The following LHFPL2 variants were observed in gnomAD, a reference collection of about 807,000 sequenced individuals.
LHFPL2 encodes LHFPL tetraspan subfamily member 2.
In LHFPL2, 7 loss-of-function variants were observed where a neutral mutation model predicts 17.5. The ratio of observed to expected loss-of-function variants is 0.40; its 90% CI spans 0.23 to 0.75. LHFPL2 has a LOEUF of 0.75. Ranked by LOEUF, LHFPL2 falls within the 30% of genes least tolerant of loss-of-function variation. The pLI is 0.37. For synonymous variants in LHFPL2, 134 were observed against 116.2 expected (o/e 1.15, Z -0.99); for missense variants, 241 against 294.8 (o/e 0.82, Z 1.34).
rs1754251982 is a variant in LHFPL2 at position 78,486,626 on chromosome 5, G to A, written c.*2271C>T. The A allele has an allele frequency of 6.6e-6, 1 of 152,370 alleles. No individual in the cohort carries two copies. The highest frequency in any genetic ancestry group is 2.1e-4 in the South Asian group (1 of 4,822). The allele number at this position is 152,370 out of a possible 1,614,324, so 9.4% of individuals were successfully genotyped here. On this transcript the variant is annotated 3_prime_UTR_variant, in exon 5 of 5. Coordinates refer to ENST00000380345, the MANE Select transcript of LHFPL2 (RefSeq NM_005779.3). ...GTAGTTTTTAGTGGTTTGGGGTTCTGTGTGTGTGCATGCCTGTGCTTTTGT... is the reference window on the plus strand; with the variant it reads ...GTAGTTTTTAGTGGTTTGGGGTTCTATGTGTGTGCATGCCTGTGCTTTTGT...
intron 2 of LHFPL2, among the ~76,000 whole-genome samples, chr5:78,566,283 TC>T (rs1458747320): frequency 1.3e-5 from 2 of 152,210 alleles, no homozygotes; most frequent in African/African-American, 4.8e-5. Flanking sequence ...CCAGTGTTAA[TC>T]CAAAGTGTAC....
intron 2 of LHFPL2, among the ~76,000 whole-genome samples, chr5:78,573,632 T>A (rs1217780110): frequency 6.6e-6 from 1 of 152,238 alleles, no homozygotes; most frequent in African/African-American, 2.4e-5. Flanking sequence ...GCAGAGCTCC[T>A]GCACAGCCTG....
At chr5:78,567,613 A>G (rs1397750547) in intron 2 of LHFPL2, among the ~76,000 whole-genome samples, 2 of 152,200 alleles carry the variant, frequency 1.3e-5, no homozygotes, top group Non-Finnish European at 2.9e-5. Context: ...TTTGTGAATT[A>G]ACTCATTTGC....
intron 2 of LHFPL2, among the ~76,000 whole-genome samples, chr5:78,593,097 G>T (rs1743700131): frequency 6.6e-6 from 1 of 152,114 alleles, no homozygotes; most frequent in Non-Finnish European, 1.5e-5. Context: ...CCGGTGTCTG[G>T]TTGGAAGCAG....
chr5:78,614,050 G>C (rs529032985), intron 2 of LHFPL2, among the ~76,000 whole-genome samples: 1 of 152,276 alleles, frequency 6.6e-6, no homozygotes, highest in Admixed American at 6.5e-5. Flanking sequence ...GGCAGCTGAT[G>C]AACAGGCCCC....
intron 3 of LHFPL2, among the ~76,000 whole-genome samples, chr5:78,520,751 C>G (rs935811058): frequency 6.6e-6 from 1 of 152,232 alleles, no homozygotes; most frequent in African/African-American, 2.4e-5. Flanking sequence ...GAACCTAACT[C>G]TGACTTCTAC....
chr5:78,559,205 T>C lies in LHFPL2; in HGVS notation c.-186+5608A>G, dbSNP rs138077489. Among the ~76,000 whole-genome samples the C allele has an allele frequency of 2.9e-3, 439 of 152,348 alleles. 5 individuals carry two copies. Among genetic ancestry groups the C allele is most frequent in the Non-Finnish European group, 4.4e-3 (298 of 68,030 alleles). On this transcript the variant is annotated intron_variant, in intron 3 of 4. Coordinates refer to ENST00000380345, the MANE Select transcript of LHFPL2 (RefSeq NM_005779.3). The stretch of plus-strand genomic sequence containing the variant: ...TTGGCTTAAAAGAAATTTTGTGGCT[T>C]CCCAAATTATATTATTTTGTGGCCA...
intron 4 of LHFPL2, among the ~76,000 whole-genome samples, chr5:78,509,169 T>A (rs1755025113): frequency 6.6e-6 from 1 of 152,236 alleles, no homozygotes; most frequent in African/African-American, 2.4e-5. Context: ...TTCGCTTGCA[T>A]TTTCTGATCT....
intron 2 of LHFPL2, among the ~76,000 whole-genome samples, chr5:78,607,641 T>C (rs1744268797): frequency 6.6e-6 from 1 of 152,206 alleles, no homozygotes; most frequent in Admixed American, 6.5e-5. Flanking sequence ...CTCTTCCCTG[T>C]AGTTACTGAC....
chr5:78,580,058 G>A (rs1376839439), intron 2 of LHFPL2, among the ~76,000 whole-genome samples: 6 of 152,166 alleles, frequency 3.9e-5, no homozygotes, highest in Non-Finnish European at 7.3e-5. Context: ...GTATGAGATG[G>A]TATCTCATTG....
chr5:78,630,493 A>G (rs1034196767), intron 2 of LHFPL2, among the ~76,000 whole-genome samples: 1 of 152,146 alleles, frequency 6.6e-6, no homozygotes, highest in African/African-American at 2.4e-5. Flanking sequence ...TTCTTGGGCA[A>G]AGCTGAAATC....
intron 3 of LHFPL2, among the ~76,000 whole-genome samples, chr5:78,551,057 C>G (rs940172741): frequency 6.6e-6 from 1 of 152,306 alleles, no homozygotes; most frequent in Non-Finnish European, 1.5e-5. Context: ...CTCAAAACAT[C>G]CTACCATTCC....
intron 4 of LHFPL2, among the ~76,000 whole-genome samples, chr5:78,494,877 T>G (rs1561304223): frequency 6.6e-6 from 1 of 152,228 alleles, no homozygotes; most frequent in Non-Finnish European, 1.5e-5. Flanking sequence ...CACAGTTTTA[T>G]CACTGTGTTC....
intron 3 of LHFPL2, among the ~76,000 whole-genome samples, chr5:78,541,734 T>C (rs1468916723): frequency 6.6e-6 from 1 of 152,000 alleles, no homozygotes; most frequent in African/African-American, 2.4e-5. Flanking sequence ...CATAAATCCA[T>C]AAAATACTGT....
chr5:78,532,116 G>A (rs1755801848), intron 3 of LHFPL2, among the ~76,000 whole-genome samples: 1 of 152,060 alleles, frequency 6.6e-6, no homozygotes, highest in South Asian at 2.1e-4. Flanking sequence ...TAGAAATGGG[G>A]TTTCACCATG....
intron 3 of LHFPL2, among the ~76,000 whole-genome samples, chr5:78,518,047 G>A (rs1046014131): frequency 1.3e-5 from 2 of 152,136 alleles, no homozygotes; most frequent in East Asian, 1.9e-4. Context: ...GCCATAAGCC[G>A]GGGCCATATG....
At position 78,567,514 on chromosome 5, in the gene LHFPL2, C is replaced by CATCTTGGCATCTGTTTTTT. The variant is rs1756889440; in HGVS notation, c.-244-2662_-244-2644dup. 5.3e-5 allele frequency among the ~76,000 whole-genome samples: 8 copies of CATCTTGGCATCTGTTTTTT among 152,200 alleles called. No homozygotes were observed. The South Asian group carries it at 1.7e-3, about 32-fold the overall frequency. On this transcript the variant is annotated intron_variant, in intron 2 of 4. Transcript: ENST00000380345. ...GAACAGTGTCTTTATTTCTAGTTTT[C>CATCTTGGCATCTGTTTTTT]ATCTTGGCATCTGTTTTTTAGAAAC...
intron 3 of LHFPL2, among the ~76,000 whole-genome samples, chr5:78,514,030 C>T (rs1158114467): frequency 6.6e-6 from 1 of 152,156 alleles, no homozygotes; most frequent in African/African-American, 2.4e-5. Context: ...AAGGCAGGTA[C>T]CTGCTGAGAC....
intron 1 of LHFPL2, among the ~76,000 whole-genome samples, chr5:78,637,864 C>T (rs1745510546): frequency 6.6e-6 from 1 of 152,186 alleles, no homozygotes; most frequent in African/African-American, 2.4e-5. Context: ...GAGAAGCCCT[C>T]CTGATGGGGT....
Sources: gnomAD v4.1 joint callset for allele counts (sites outside exome capture counted in the v4.1 genomes callset) on GRCh38, gnomAD v4.1.1 for gene constraint, MANE v1.5 for transcripts, NCBI Gene and HGNC (gene_info 2026-07-23, HGNC 2026-07-21) for gene names.